The following CEP112 variants were observed in gnomAD, a reference collection of about 807,000 sequenced individuals.
CEP112 encodes the protein centrosomal protein of 112 kDa.
Under a neutral mutation model 153.0 loss-of-function variants are expected in CEP112, and 127 were observed. The ratio of observed to expected loss-of-function variants is 0.83; its 90% CI spans 0.72 to 0.96. The LOEUF is 0.96. Ranked by LOEUF, CEP112 falls within the 40% of genes least tolerant of loss-of-function variation. The pLI, the probability that CEP112 is intolerant of heterozygous loss-of-function variation, is 0.00. For synonymous variants in CEP112, 358 were observed against 374.4 expected (o/e 0.96, Z 0.51); for missense variants, 1,089 against 1,101.2 (o/e 0.99, Z 0.16).
intron 11 of CEP112, among the ~76,000 whole-genome samples, chr17:66,058,760 G>A (rs1374189874): frequency 6.6e-6 from 1 of 152,130 alleles, no homozygotes; most frequent in Non-Finnish European, 1.5e-5. Flanking sequence ...ACTGAGGCAG[G>A]AGGATCACTT....
intron 23 of CEP112, among the ~76,000 whole-genome samples, chr17:65,697,430 C>T (rs2048409871): frequency 6.6e-6 from 1 of 151,908 alleles, no homozygotes; most frequent in Non-Finnish European, 1.5e-5. Flanking sequence ...AAATTGACAC[C>T]GAAACAGTAA....
chr17:66,027,954 GGAGA>G (rs1376103263), intron 15 of CEP112, among the ~76,000 whole-genome samples: 2 of 143,356 alleles, frequency 1.4e-5, no homozygotes, highest in Non-Finnish European at 3.0e-5. Context: ...AGAGACAGAG[GGAGA>G]GAGAGAGGCA....
At chr17:65,655,606 T>C (rs1293776327) in intron 24 of CEP112, among the ~76,000 whole-genome samples, 1 of 152,240 alleles carries the variant, frequency 6.6e-6, no homozygotes, top group Non-Finnish European at 1.5e-5. Flanking sequence ...TCCTTGCTTC[T>C]TTTCTGATAA....
At chr17:65,802,221 A>G (rs2055324839) in intron 21 of CEP112, among the ~76,000 whole-genome samples, 1 of 152,114 alleles carries the variant, frequency 6.6e-6, no homozygotes, top group African/African-American at 2.4e-5. Flanking sequence ...CTTTTATGGA[A>G]AAGAGACTTT....
In CEP112 at chr17:65,990,093, G is replaced by A. The variant is rs562505205; in HGVS notation, c.1736+15597C>T. ...CAAAGAAAATCATGTAACCATAAAG[G>A]AAGAAAGGGAAAGAGAAGTTACCAA... On this transcript the variant is annotated intron_variant, in intron 17 of 26. Coordinates refer to ENST00000535342, the MANE Select transcript of CEP112 (RefSeq NM_001199165.4). Among the ~76,000 whole-genome samples the A allele has an allele frequency of 3.9e-5, 6 of 152,128 alleles. No individual in the cohort carries two copies. In the South Asian group the frequency reaches 1.2e-3, roughly 32 times the overall value.
intron 23 of CEP112, among the ~76,000 whole-genome samples, chr17:65,693,717 T>C (rs1285098416): frequency 6.6e-6 from 1 of 152,146 alleles, no homozygotes; most frequent in African/African-American, 2.4e-5. Flanking sequence ...AAGGAGGAAC[T>C]ATTGCTAGAC....
At position 65,839,670 on chromosome 17, in the gene CEP112, A is replaced by C. The variant is rs534504196; in HGVS notation, c.2394+12134T>G. On this transcript the variant is annotated intron_variant, in intron 21 of 26. Coordinates refer to ENST00000535342, the MANE Select transcript of CEP112 (RefSeq NM_001199165.4). ...ACAGATAGTATTGGGAGTCCTAGTC[A>C]GAGCAATTAGGCAAGAGAAAAAAAT... 2.4e-3 allele frequency among the ~76,000 whole-genome samples: 366 copies of C among 152,232 alleles called. 2 individuals are homozygous for C. Among genetic ancestry groups the C allele is most frequent in the Non-Finnish European group, 4.1e-3 (280 of 67,974 alleles).
intron 11 of CEP112, among the ~76,000 whole-genome samples, chr17:66,056,626 C>A (rs2083794): frequency 0.41 from 62,531 of 151,958 alleles, 14,334 homozygotes; most frequent in East Asian, 0.87. Flanking sequence ...GTGAAAGAAG[C>A]CAGTCACAAA....
intron 4 of CEP112, among the ~76,000 whole-genome samples, chr17:66,160,608 A>T (rs1202600384): frequency 6.6e-6 from 1 of 152,222 alleles, no homozygotes; most frequent in Non-Finnish European, 1.5e-5. Flanking sequence ...TTTCCTATTA[A>T]ATGGTGTTGG....
chr17:65,979,710 T>C (rs1211579928), intron 17 of CEP112, among the ~76,000 whole-genome samples: 1 of 152,166 alleles, frequency 6.6e-6, no homozygotes, highest in Non-Finnish European at 1.5e-5. Context: ...ACGATTCCAG[T>C]TACAAGAAAA....
chr17:65,949,785 C>T (rs2061760645), intron 18 of CEP112, among the ~76,000 whole-genome samples: 1 of 152,108 alleles, frequency 6.6e-6, no homozygotes, highest in African/African-American at 2.4e-5. Flanking sequence ...TCTTTCATTC[C>T]TGGCTATCCT....
At chr17:65,697,532 G>C (rs949067081) in intron 23 of CEP112, among the ~76,000 whole-genome samples, 1 of 152,034 alleles carries the variant, frequency 6.6e-6, no homozygotes, top group Non-Finnish European at 1.5e-5. Flanking sequence ...GAGATTTACA[G>C]ACTTATTTTT....
At chr17:65,767,040 C>A (rs572474947) in intron 21 of CEP112, among the ~76,000 whole-genome samples, 78 of 152,110 alleles carry the variant, frequency 5.1e-4, no homozygotes, top group African/African-American at 1.6e-3. Flanking sequence ...GTGCTTTAGA[C>A]AAAATGGGCT....
chr17:65,838,321 A>C (rs2057398151), intron 21 of CEP112, among the ~76,000 whole-genome samples: 1 of 152,168 alleles, frequency 6.6e-6, no homozygotes, highest in East Asian at 1.9e-4. Flanking sequence ...TCACAATGGA[A>C]TAAAACTAGC....
chr17:66,188,524 TG>T, intron 1 of CEP112, among the ~76,000 whole-genome samples: 1 of 150,068 alleles, frequency 6.7e-6, no homozygotes, highest in East Asian at 2.0e-4. Flanking sequence ...TGCCCTAGAC[TG>T]GCTGTTGCTC....
intron 24 of CEP112, among the ~76,000 whole-genome samples, chr17:65,654,131 G>A (rs1319264168): frequency 6.7e-6 from 1 of 148,682 alleles, no homozygotes; most frequent in African/African-American, 2.5e-5. Context: ...AAAAAATGCT[G>A]TAGTACAGGT....
chr17:65,980,269 T>C (rs1439377753), intron 17 of CEP112, among the ~76,000 whole-genome samples: 1 of 152,238 alleles, frequency 6.6e-6, no homozygotes, highest in African/African-American at 2.4e-5. Flanking sequence ...ACTTGAGGAT[T>C]CAGGCTTTAA....
intron 24 of CEP112, among the ~76,000 whole-genome samples, chr17:65,677,821 G>A (rs766005548): frequency 1.3e-5 from 2 of 152,154 alleles, no homozygotes; most frequent in Non-Finnish European, 2.9e-5. Context: ...GCTGAGGCAT[G>A]AGAATAGCTT....
At chr17:65,727,196 C>T (rs1202066146) in intron 23 of CEP112, among the ~76,000 whole-genome samples, 2 of 152,118 alleles carry the variant, frequency 1.3e-5, no homozygotes, top group African/African-American at 4.8e-5. Context: ...GGCAGTCAGT[C>T]TCTTCAAAAC....
Sources: allele counts gnomAD v4.1 joint callset (sites outside exome capture counted in the v4.1 genomes callset), GRCh38; gene constraint gnomAD v4.1.1; transcripts MANE v1.5; gene names NCBI Gene and HGNC (gene_info 2026-07-23, HGNC 2026-07-21).